PSMC1: variants seen among roughly 807,000 people sequenced by gnomAD.
The protein encoded by PSMC1 is proteasome 26S subunit, ATPase 1.
PSMC1 carries 5 observed loss-of-function variants against 49.8 expected under a neutral mutation model. The ratio of observed to expected loss-of-function variants is 0.10; its 90% CI spans 0.05 to 0.21. The LOEUF is 0.21. Ranked by LOEUF, PSMC1 falls within the 10% of genes least tolerant of loss-of-function variation. PSMC1 has a pLI of 1.00. For missense variants in PSMC1, 181 were observed against 535.7 expected (o/e 0.34, Z 6.54); for synonymous variants, 155 against 192.1 (o/e 0.81, Z 1.60).
intron 1 of PSMC1, among the ~76,000 whole-genome samples, chr14:90,257,772 T>C (rs1249842604): frequency 6.6e-6 from 1 of 152,126 alleles, no homozygotes; most frequent in Non-Finnish European, 1.5e-5. Flanking sequence ...TTTGTATTTT[T>C]GTAGAGACGG....
At chr14:90,263,617 T>G in intron 4 of PSMC1, 45 bp from the exon 5 acceptor site, 3 of 1,591,024 alleles carry the variant, frequency 1.9e-6, no homozygotes, top group Non-Finnish European at 2.6e-6. Flanking sequence ...GATCATCTAC[T>G]TTGAGGTCTA....
intron 7 of PSMC1, among the ~76,000 whole-genome samples, chr14:90,266,153 G>C (rs1168493631): frequency 2.6e-5 from 4 of 151,982 alleles, no homozygotes; most frequent in African/African-American, 7.3e-5. Flanking sequence ...TACCTGGGAG[G>C]CTGAGGCAGG....
At position 90,260,070 on chromosome 14, in the gene PSMC1, T is replaced by A. The variant is rs753143139; in HGVS notation, c.58-45T>A. ...ACAGAAATAAATGTGTGTTTTAATA[T>A]GATTTTCATGTGATTTTTTTTTCCT... is the stretch of plus-strand genomic sequence containing the variant. On this transcript the variant is annotated intron_variant, in intron 2 of 10. Transcript: ENST00000261303. The A allele has an allele frequency of 5.1e-6, 6 of 1,186,344 alleles. No homozygotes were observed. In the East Asian group the frequency reaches 1.4e-4, roughly 28 times the overall value. 73.5% of individuals were successfully genotyped at this position (1,186,344 alleles called of 1,614,324 possible). A position where few individuals can be genotyped will look rare whatever the true frequency, so the allele number is the denominator to read the frequency against.
At position 90,272,640 on chromosome 14, in the gene PSMC1, AG is replaced by A; in HGVS notation, c.*234del. 1 of 409,794 alleles carries A rather than the reference AG, an allele frequency of 2.4e-6. No homozygotes were observed. The allele number at this position is 409,794 out of a possible 1,614,324, so 25.4% of individuals were successfully genotyped here. ...TTTCACAAACACTTCCTGTTTCTGC[AG>A]TCTCCACACACACCTACCGCTCAAC... On this transcript the variant is annotated 3_prime_UTR_variant, in exon 11 of 11. Transcript: ENST00000261303. The surrounding 1 kb of genome is among the most constrained non-coding windows in gnomAD (Gnocchi z 4.5).
Position 90,274,022 on chromosome 14 carries a change from C to G in PSMC1, c.*1615C>G, listed in dbSNP as rs1891735212. 6.5e-6 allele frequency: 1 copy of G among 154,890 alleles called. No homozygotes were observed. Among genetic ancestry groups the G allele is most frequent in the Non-Finnish European group, 1.5e-5 (1 of 68,268 alleles). 9.6% of individuals were successfully genotyped at this position (154,890 alleles called of 1,614,324 possible). A position where few individuals can be genotyped will look rare whatever the true frequency, so the allele number is the denominator to read the frequency against. Reference sequence around the variant, plus strand: ...CTGCAAAGTTCCTTTTGCCATGTAACATTCACACGTTCCAGGGCTTAGGGT... The same window carrying G: ...CTGCAAAGTTCCTTTTGCCATGTAAGATTCACACGTTCCAGGGCTTAGGGT... On this transcript the variant is annotated 3_prime_UTR_variant, in exon 11 of 11. Coordinates refer to ENST00000261303, the MANE Select transcript of PSMC1 (RefSeq NM_002802.3).
intron 1 of PSMC1, among the ~76,000 whole-genome samples, chr14:90,257,294 T>G (rs1430337199): frequency 7.2e-5 from 11 of 152,136 alleles, no homozygotes; most frequent in Non-Finnish European, 1.5e-5. Flanking sequence ...GTGCGTACAT[T>G]CTAGAGCAGA....
At chr14:90,269,149 T>C (rs1891596128) in intron 8 of PSMC1, 2 of 460,722 alleles carry the variant, frequency 4.3e-6, no homozygotes, top group South Asian at 6.0e-5. Flanking sequence ...TTTAGCCCTT[T>C]CCAAAAGGCC....
Position 90,275,215 on chromosome 14 carries a change from C to T in PSMC1, c.*2808C>T, listed in dbSNP as rs1891777263. ...AAAGAGATGACAACCAAGTGCAGCT[C>T]CTGCTCCTGAACTGGATCCTTTTCC... On this transcript the variant is annotated 3_prime_UTR_variant, in exon 11 of 11. Transcript: ENST00000261303. 1 of 152,180 alleles carries T rather than the reference C, an allele frequency of 6.6e-6. No individual in the cohort carries two copies. The highest frequency in any genetic ancestry group is 1.5e-5 in the Non-Finnish European group (1 of 68,054). 9.4% of individuals were successfully genotyped at this position (152,180 alleles called of 1,614,324 possible). A position where few individuals can be genotyped will look rare whatever the true frequency, so the allele number is the denominator to read the frequency against.
rs1031709803 is a variant in PSMC1 at position 90,268,486 on chromosome 14, A to C, written c.881+73A>C. ...ATAGCTCTTCTCTTGAGAATGAGCAATCTCAGGGGGCTCTCCCTATGGCCA... is the reference window on the plus strand; with the variant it reads ...ATAGCTCTTCTCTTGAGAATGAGCACTCTCAGGGGGCTCTCCCTATGGCCA... On this transcript the variant is annotated intron_variant, in intron 8 of 10. Transcript: ENST00000261303. 2.8e-6 allele frequency: 4 copies of C among 1,412,476 alleles called. No homozygotes were observed. The African/African-American group carries it at 5.7e-5, about 20-fold the overall frequency. 87.5% of individuals were successfully genotyped at this position (1,412,476 alleles called of 1,614,324 possible).
In PSMC1 at chr14:90,263,394, A is replaced by G. The variant is rs143172121; in HGVS notation, c.231A>G (p.Glu77=). The G allele has an allele frequency of 3.3e-3, 5,237 of 1,593,456 alleles. 22 individuals are homozygous for G. Among genetic ancestry groups the G allele is most frequent in the Admixed American group, 9.0e-3 (495 of 55,116 alleles). Residue 77 remains glutamate (E), a synonymous_variant, in exon 4 of 11, where the codon GAA becomes GAG. Coordinates refer to ENST00000261303, the MANE Select transcript of PSMC1 (RefSeq NM_002802.3). The part of the protein sequence containing the change: ...RIKDYLLMEE[E]FIRNQEQMKP... ...AAGACTATCTTCTCATGGAGGAAGA[A>G]TTCATTAGAAATCAGGAACAAATGA...
At chr14:90,259,008 C>T (rs1891346975) in intron 1 of PSMC1, 152 bp from the exon 2 acceptor site, 5 of 592,844 alleles carry the variant, frequency 8.4e-6, no homozygotes, top group African/African-American at 1.9e-5. Flanking sequence ...CACACATTGA[C>T]TGCAAGTATT....
rs1223896625 is a variant in PSMC1, at chr14:90,263,766, C to A, written c.384C>A (p.Gly128=). Residue 128 remains glycine, a synonymous_variant, in exon 5 of 11, where the codon GGC becomes GGA. Coordinates refer to ENST00000261303, the MANE Select transcript of PSMC1 (RefSeq NM_002802.3). The part of the protein sequence containing the change: ...DNHAIVSTSV[G]SEHYVSILSF... ...ATGCCATCGTGTCTACATCTGTGGG[C>A]TCAGAACACTACGTCAGCATTCTTT... is the stretch of plus-strand genomic sequence containing the variant. 6.2e-7 allele frequency: 1 copy of A among 1,613,308 alleles called. No individual in the cohort carries two copies.
chr14:90,264,014 G>A (rs1179324857), intron 5 of PSMC1, 27 bp from the exon 6 acceptor site: 2 of 1,599,238 alleles, frequency 1.3e-6, no homozygotes, highest in East Asian at 2.2e-5. Flanking sequence ...TCACGTTCCT[G>A]TGTTAAACCT....
rs894073043 is a variant in PSMC1, at chr14:90,270,468, T to C, written c.1188+116T>C. 5 of 1,177,160 alleles carry C rather than the reference T, an allele frequency of 4.2e-6. No homozygotes were observed. In the African/African-American group the frequency reaches 4.6e-5, roughly 11 times the overall value. 72.9% of individuals were successfully genotyped at this position (1,177,160 alleles called of 1,614,324 possible). A position where few individuals can be genotyped will look rare whatever the true frequency, so the allele number is the denominator to read the frequency against. Reference sequence around the variant, plus strand: ...GGACAGGTGGGTGTCTGTATTTTAATCATCATATTGGTTTACGATTACATC... The same window carrying C: ...GGACAGGTGGGTGTCTGTATTTTAACCATCATATTGGTTTACGATTACATC... On this transcript the variant is annotated intron_variant, in intron 10 of 10. Transcript: ENST00000261303.
At chr14:90,264,235 T>C (rs1261307656) in intron 6 of PSMC1, 66 bp downstream of exon 6, 65 of 1,587,866 alleles carry the variant, frequency 4.1e-5, no homozygotes, top group Non-Finnish European at 2.6e-5. Flanking sequence ...TTAGGATACT[T>C]TGCAGGTGTT....
rs1360453178 is a variant in PSMC1, at chr14:90,273,805, A to C, written c.*1398A>C. Reference sequence around the variant, plus strand: ...AGCTGAGGCCTTTGCCAGTCTGTGAAGGCCACCCTCCCTCCTGACTCGTGG... The same window carrying C: ...AGCTGAGGCCTTTGCCAGTCTGTGACGGCCACCCTCCCTCCTGACTCGTGG... On this transcript the variant is annotated 3_prime_UTR_variant, in exon 11 of 11. Transcript: ENST00000261303. The C allele has an allele frequency of 6.5e-6, 1 of 154,568 alleles. No homozygotes were observed. Among genetic ancestry groups the C allele is most frequent in the East Asian group, 2.0e-4 (1 of 5,058 alleles). The allele number at this position is 154,568 out of a possible 1,614,324, so 9.6% of individuals were successfully genotyped here.
Position 90,272,216 on chromosome 14 carries a change from C to T in PSMC1, c.1189-57C>T, listed in dbSNP as rs1224836223. 1 of 1,585,772 alleles carries T rather than the reference C, an allele frequency of 6.3e-7. No homozygotes were observed. The highest frequency in any genetic ancestry group is 1.4e-5 in the African/African-American group (1 of 73,200). The stretch of plus-strand genomic sequence containing the variant: ...GCCTCAGAATAGGTTTTTTGGAATT[C>T]CTTGTTAGAATAAAAATGAGTATGT... On this transcript the variant is annotated intron_variant, in intron 10 of 10. Coordinates refer to ENST00000261303, the MANE Select transcript of PSMC1 (RefSeq NM_002802.3). The surrounding 1 kb of genome is among the most constrained non-coding windows in gnomAD (Gnocchi z 4.5).
In PSMC1 at chr14:90,274,695, G is replaced by C. The variant is rs1206804886; in HGVS notation, c.*2288G>C. The C allele has an allele frequency of 6.6e-6, 1 of 152,008 alleles. No homozygotes were observed. The highest frequency in any genetic ancestry group is 2.4e-5 in the African/African-American group (1 of 41,356). The allele number at this position is 152,008 out of a possible 1,614,324, so 9.4% of individuals were successfully genotyped here. ...CTAAGGACACCGAAGCCTATGTGAA[G>C]GGGCTTCCACTGGCCAAACTCGGGA... On this transcript the variant is annotated 3_prime_UTR_variant, in exon 11 of 11. Coordinates refer to ENST00000261303, the MANE Select transcript of PSMC1 (RefSeq NM_002802.3).
chr14:90,266,359 G>A (rs17260827), intron 7 of PSMC1, among the ~76,000 whole-genome samples: 48,690 of 152,162 alleles, frequency 0.32, 9,069 homozygotes, highest in East Asian at 0.52. Context: ...AGGAAGCACA[G>A]TCATTTGAGA....
Sources: allele counts gnomAD v4.1 joint callset (sites outside exome capture counted in the v4.1 genomes callset), GRCh38; gene constraint gnomAD v4.1.1; non-coding constraint Gnocchi (gnomAD v3.1); transcripts MANE v1.5; gene names NCBI Gene and HGNC (gene_info 2026-07-23, HGNC 2026-07-21).